Variants in IL1RAPL1 observed in about 807,000 individuals in gnomAD.
IL1RAPL1 encodes interleukin 1 receptor accessory protein like 1.
In IL1RAPL1, 3 loss-of-function variants were observed where a neutral mutation model predicts 48.4. The observed-to-expected ratio is 0.06, with a 90% CI of 0.03 to 0.16. IL1RAPL1 has a LOEUF of 0.16. Ranked by LOEUF, IL1RAPL1 falls within the 10% of genes least tolerant of loss-of-function variation. The pLI, the probability that IL1RAPL1 is intolerant of heterozygous loss-of-function variation, is 1.00. For synonymous variants in IL1RAPL1, 185 were observed against 187.7 expected (o/e 0.99, Z 0.12); for missense variants, 349 against 530.6 (o/e 0.66, Z 3.36).
intron 6 of IL1RAPL1, among the ~76,000 whole-genome samples, chrX:29,748,653 TAG>T (rs1436159428): frequency 1.8e-5 from 2 of 113,054 alleles, no homozygotes; most frequent in Non-Finnish European, 3.7e-5. Flanking sequence ...GTCCAAAACC[TAG>T]GTTTTTGGCC....
chrX:29,481,292 T>A (rs1444903443), intron 5 of IL1RAPL1, among the ~76,000 whole-genome samples: 1 of 112,788 alleles, frequency 8.9e-6, no homozygotes, highest in Non-Finnish European at 1.9e-5. Flanking sequence ...ATAACTTTAG[T>A]CACTACGGTT....
rs373824682 is a variant in IL1RAPL1, at chrX:29,703,581, G to A, written c.778+35077G>A. 7.2e-4 allele frequency among the ~76,000 whole-genome samples: 80 copies of A among 111,714 alleles called. 2 individuals carry two copies. The highest frequency in any genetic ancestry group is 2.8e-3 in the East Asian group (10 of 3,530). The stretch of plus-strand genomic sequence containing the variant: ...GATGGTCTCGATCTCCTGACCTCAT[G>A]ATCTGCCTGCCTTGGCCTCCCAAAG... On this transcript the variant is annotated intron_variant, in intron 6 of 10. Coordinates refer to ENST00000378993, the MANE Select transcript of IL1RAPL1 (RefSeq NM_014271.4).
chrX:29,488,923 T>TA (rs1411188261), intron 5 of IL1RAPL1, among the ~76,000 whole-genome samples: 1 of 111,774 alleles, frequency 8.9e-6, no homozygotes, highest in African/African-American at 3.3e-5. Context: ...TTAAAGATTA[T>TA]AATGGCAAAA....
At chrX:29,104,382 C>T (rs1257597513) in intron 2 of IL1RAPL1, among the ~76,000 whole-genome samples, 1 of 111,543 alleles carries the variant, frequency 9.0e-6, no homozygotes, top group Non-Finnish European at 1.9e-5. Flanking sequence ...GAAATAGAAA[C>T]ATTGCATGTT....
At chrX:29,553,008 T>C (rs1364212555) in intron 5 of IL1RAPL1, among the ~76,000 whole-genome samples, 1 of 110,503 alleles carries the variant, frequency 9.0e-6, no homozygotes, top group East Asian at 2.8e-4. Context: ...TCATTTGTTC[T>C]TGAATCTTGC....
chrX:29,175,502 A>C (rs1929995671), intron 2 of IL1RAPL1, among the ~76,000 whole-genome samples: 1 of 111,147 alleles, frequency 9.0e-6, no homozygotes, highest in African/African-American at 3.3e-5. Context: ...AAGAAGAAAT[A>C]GAAAAATGAG....
chrX:29,467,753 C>T (rs1423229700), intron 5 of IL1RAPL1, among the ~76,000 whole-genome samples: 4 of 112,504 alleles, frequency 3.6e-5, no homozygotes, highest in African/African-American at 1.3e-4. Context: ...TGCCTTTATT[C>T]CCTTTAATAT....
chrX:29,623,436 G>A (rs1400108664), intron 5 of IL1RAPL1, among the ~76,000 whole-genome samples: 1 of 111,970 alleles, frequency 8.9e-6, no homozygotes, highest in Non-Finnish European at 1.9e-5. Context: ...TGATTTGTAA[G>A]ATCCCATTCA....
At chrX:29,515,175 A>G (rs770226604) in intron 5 of IL1RAPL1, among the ~76,000 whole-genome samples, 1 of 112,599 alleles carries the variant, frequency 8.9e-6, no homozygotes, top group South Asian at 3.7e-4. Context: ...TAAACTTTCT[A>G]CTTTGAGATA....
intron 5 of IL1RAPL1, among the ~76,000 whole-genome samples, chrX:29,460,718 C>T (rs1053749358): frequency 1.8e-5 from 2 of 112,072 alleles, no homozygotes; most frequent in South Asian, 7.4e-4. Context: ...CATCAAAACA[C>T]TTGCCAGACA....
chrX:29,246,566 C>T (rs1931517692), intron 2 of IL1RAPL1, among the ~76,000 whole-genome samples: 1 of 111,330 alleles, frequency 9.0e-6, no homozygotes, highest in African/African-American at 3.3e-5. Flanking sequence ...TCTTCTATCT[C>T]CTGTTGCTAC....
At chrX:29,453,520 G>A (rs1934704021) in intron 5 of IL1RAPL1, among the ~76,000 whole-genome samples, 1 of 111,449 alleles carries the variant, frequency 9.0e-6, no homozygotes, top group African/African-American at 3.3e-5. Flanking sequence ...TGTAACCGCA[G>A]CATTACACAG....
At chrX:28,838,184 G>A (rs750838287) in intron 2 of IL1RAPL1, among the ~76,000 whole-genome samples, 1 of 111,186 alleles carries the variant, frequency 9.0e-6, no homozygotes, top group South Asian at 3.7e-4. Flanking sequence ...AAAACTGGAA[G>A]GAGTCTTAGA....
chrX:29,736,198 T>C, intron 6 of IL1RAPL1, among the ~76,000 whole-genome samples: 1 of 112,210 alleles, frequency 8.9e-6, no homozygotes, highest in East Asian at 2.8e-4. Context: ...TACCCATATC[T>C]CTATTTAAAA....
rs139855646 is a variant in IL1RAPL1 at position 29,638,373 on chromosome X, C to G, written c.704-30057C>G. On this transcript the variant is annotated intron_variant, in intron 5 of 10. Transcript: ENST00000378993. ...GCAACCCCCGCCTCCCGGGTTCAAG[C>G]GATTCTCCTGCCTCAGCAATTAACA... is the stretch of plus-strand genomic sequence containing the variant. Among the ~76,000 whole-genome samples, 3 of 108,199 alleles carry G rather than the reference C, an allele frequency of 2.8e-5. No homozygotes were observed. In the East Asian group the frequency reaches 8.8e-4, roughly 32 times the overall value. 94.0% of individuals were successfully genotyped at this position (108,199 alleles called of 115,157 possible). A position where few individuals can be genotyped will look rare whatever the true frequency, so the allele number is the denominator to read the frequency against.
At chrX:29,743,275 TAATA>T (rs1236144689) in intron 6 of IL1RAPL1, among the ~76,000 whole-genome samples, 1 of 107,484 alleles carries the variant, frequency 9.3e-6, no homozygotes, top group Non-Finnish European at 1.9e-5. Context: ...ATATTATATA[TAATA>T]AATTTATATA....
intron 2 of IL1RAPL1, among the ~76,000 whole-genome samples, chrX:28,838,412 T>C (rs752464480): frequency 2.7e-5 from 3 of 111,023 alleles, no homozygotes; most frequent in Non-Finnish European, 5.7e-5. Context: ...TACCAGATTT[T>C]GACAGCTGGA....
At chrX:29,509,923 A>C (rs1935376489) in intron 5 of IL1RAPL1, among the ~76,000 whole-genome samples, 2 of 112,123 alleles carry the variant, frequency 1.8e-5, no homozygotes, top group South Asian at 7.4e-4. Context: ...ATTGAAATAA[A>C]ATGTCAAGAG....
At chrX:29,932,417 C>T (rs1261289665) in intron 8 of IL1RAPL1, among the ~76,000 whole-genome samples, 1 of 111,824 alleles carries the variant, frequency 8.9e-6, no homozygotes, top group Non-Finnish European at 1.9e-5. Flanking sequence ...AATCCGCAAA[C>T]AAATATTTAT....
Sources: allele counts gnomAD v4.1 joint callset (sites outside exome capture counted in the v4.1 genomes callset), GRCh38; gene constraint gnomAD v4.1.1; transcripts MANE v1.5; gene names NCBI Gene and HGNC (gene_info 2026-07-23, HGNC 2026-07-21).